The following SLC13A3 variants were observed in gnomAD, a reference collection of about 807,000 sequenced individuals.
SLC13A3 encodes solute carrier family 13 member 3, also known as Na(+)/dicarboxylate cotransporter 3.
A neutral mutation model predicts 59.0 loss-of-function variants in SLC13A3; 40 were observed. The observed-to-expected ratio is 0.68, with a 90% CI of 0.53 to 0.88. SLC13A3 has a LOEUF of 0.88. SLC13A3 is among the 40% of genes least tolerant of loss of function. The pLI, the probability that SLC13A3 is intolerant of heterozygous loss-of-function variation, is 0.00. For missense variants in SLC13A3, 699 were observed against 783.2 expected (o/e 0.89, Z 1.28); for synonymous variants, 317 against 330.3 (o/e 0.96, Z 0.44).
intron 1 of SLC13A3, among the ~76,000 whole-genome samples, chr20:46,658,889 C>A (rs1273886885): frequency 2.0e-5 from 3 of 152,050 alleles, no homozygotes; most frequent in Non-Finnish European, 4.4e-5. Context: ...GTGGATTCAC[C>A]TTTCTATCAT....
chr20:46,607,501 T>C (rs2122731242), intron 3 of SLC13A3, among the ~76,000 whole-genome samples: 1 of 152,326 alleles, frequency 6.6e-6, no homozygotes, highest in East Asian at 1.9e-4. Context: ...AACCAATTCC[T>C]GCTCCTCCCT....
intron 1 of SLC13A3, among the ~76,000 whole-genome samples, chr20:46,644,618 T>C (rs2062876174): frequency 6.6e-6 from 1 of 152,236 alleles, no homozygotes; most frequent in Admixed American, 6.5e-5. Flanking sequence ...ATTTTTCAGC[T>C]GGGGAACTGG....
At chr20:46,599,829 G>A in intron 4 of SLC13A3, 142 bp downstream of exon 4, 1 of 503,760 alleles carries the variant, frequency 2.0e-6, no homozygotes, top group Non-Finnish European at 3.5e-6. Flanking sequence ...AAGCCACAGA[G>A]ATGAATGGTG....
intron 1 of SLC13A3, among the ~76,000 whole-genome samples, chr20:46,632,871 A>G (rs1263647250): frequency 4.0e-4 from 2 of 5,018 alleles, no homozygotes. Flanking sequence ...TTCAATAGAT[A>G]GATAGATAGA....
At chr20:46,632,288 C>T (rs985945980) in intron 1 of SLC13A3, among the ~76,000 whole-genome samples, 2 of 152,162 alleles carry the variant, frequency 1.3e-5, no homozygotes, top group African/African-American at 2.4e-5. Context: ...ACTGAGCCTG[C>T]GAAGTGCCAG....
chr20:46,608,330 T>G (rs3091733), intron 3 of SLC13A3, among the ~76,000 whole-genome samples: 98,123 of 152,134 alleles, frequency 0.64, 31,984 homozygotes, highest in East Asian at 0.8. Context: ...TTGCCACGCC[T>G]GCTTGTTTGT....
chr20:46,683,284 A>G (rs1052075191), intron 1 of SLC13A3, among the ~76,000 whole-genome samples: 8 of 152,240 alleles, frequency 5.3e-5, no homozygotes, highest in African/African-American at 1.4e-4. Flanking sequence ...CCAGCTGCAA[A>G]CATAGATAAG....
chr20:46,621,204 A>G (rs2062610658), intron 1 of SLC13A3, among the ~76,000 whole-genome samples: 1 of 152,218 alleles, frequency 6.6e-6, no homozygotes, highest in African/African-American at 2.4e-5. Flanking sequence ...TTCCCCAGAG[A>G]GTCCTTCACC....
chr20:46,615,777 C>T lies in SLC13A3; in HGVS notation c.112-2052G>A, dbSNP rs1325463182. On this transcript the variant is annotated intron_variant, in intron 1 of 12. Coordinates refer to ENST00000279027, the MANE Select transcript of SLC13A3 (RefSeq NM_022829.6). ...GGAAAATGTCCAGATTCCCAAGTCC[C>T]TTAGCTTTTCTATCAGTGCTCACAT... Among the ~76,000 whole-genome samples the T allele has an allele frequency of 2.6e-5, 4 of 152,186 alleles. 1 individual carries two copies. Among genetic ancestry groups the T allele is most frequent in the Admixed American group, 2.6e-4 (4 of 15,278 alleles).
chr20:46,600,550 G>A lies in SLC13A3; in HGVS notation c.542-513C>T, dbSNP rs374578948. ...GCCTGTTGGCAGGGGTTTAGCTGCA[G>A]GGCTGCTTGACAACCCATAACTCAA... is the stretch of plus-strand genomic sequence containing the variant. On this transcript the variant is annotated intron_variant, in intron 3 of 12. Coordinates refer to ENST00000279027, the MANE Select transcript of SLC13A3 (RefSeq NM_022829.6). The A allele has an allele frequency of 7.7e-4, 328 of 427,114 alleles. 4 individuals are homozygous for A. Among genetic ancestry groups the A allele is most frequent in the South Asian group, 5.7e-3 (324 of 56,914 alleles). The allele number at this position is 427,114 out of a possible 1,614,324, so 26.5% of individuals were successfully genotyped here.
chr20:46,566,164 G>A (rs377048596), intron 11 of SLC13A3, 65 bp downstream of exon 11: 44 of 1,400,652 alleles, frequency 3.1e-5, no homozygotes, highest in African/African-American at 2.0e-4. Context: ...GTCCCTTGGC[G>A]GGGGAAGATT....
intron 1 of SLC13A3, among the ~76,000 whole-genome samples, chr20:46,643,798 T>A (rs2062868367): frequency 6.6e-6 from 1 of 152,110 alleles, no homozygotes; most frequent in Admixed American, 6.6e-5. Flanking sequence ...AATCCCAGAA[T>A]TTTAGGAGGC....
intron 3 of SLC13A3, among the ~76,000 whole-genome samples, chr20:46,606,276 A>C (rs2062436644): frequency 1.3e-5 from 2 of 152,214 alleles, no homozygotes; most frequent in Admixed American, 6.5e-5. Flanking sequence ...GAAGTCTCAT[A>C]GGTAGTTTTT....
At chr20:46,613,417 TCTG>T (rs2062521544) in intron 2 of SLC13A3, 40 bp downstream of exon 2, 1 of 1,515,362 alleles carries the variant, frequency 6.6e-7, no homozygotes, top group Admixed American at 2.0e-5. Context: ...GTGTGGTCCC[TCTG>T]CCTCTCCGCT....
In SLC13A3 at chr20:46,560,074, T is replaced by C. The variant is rs201877988; in HGVS notation, c.1757A>G (p.Asn586Ser). ...FPDWADMYSV[N>S]VTALPPTLAN... ...CAAGGTGGGTGGCAATGCTGTGACA[T>C]TGACCGAGTACATATCAGCCCAGTC... Residue 586 changes from asparagine (N) to serine (S), a missense_variant, in exon 13 of 13, where the codon AAT becomes AGT. Physicochemically the swap from Asn to Ser is conservative, Grantham distance 46. Coordinates refer to ENST00000279027, the MANE Select transcript of SLC13A3 (RefSeq NM_022829.6). The C allele has an allele frequency of 2.1e-5, 34 of 1,614,086 alleles. No individual in the cohort carries two copies. The East Asian group carries it at 4.9e-4, about 23-fold the overall frequency.
At chr20:46,606,356 C>T (rs1020626430) in intron 3 of SLC13A3, among the ~76,000 whole-genome samples, 1 of 152,174 alleles carries the variant, frequency 6.6e-6, no homozygotes, top group African/African-American at 2.4e-5. Flanking sequence ...AGGCAGTGTC[C>T]TTGTTTTATA....
chr20:46,571,061 G>A (rs772589196), intron 10 of SLC13A3, among the ~76,000 whole-genome samples: 2 of 152,162 alleles, frequency 1.3e-5, no homozygotes, highest in Non-Finnish European at 2.9e-5. Flanking sequence ...TCACATGGTG[G>A]CAGCAAGAAG....
At chr20:46,628,588 AGGAT>A (rs1487635705) in intron 1 of SLC13A3, among the ~76,000 whole-genome samples, 1 of 152,196 alleles carries the variant, frequency 6.6e-6, no homozygotes. Context: ...TGAGGTTGGG[AGGAT>A]GGCTGAAATG....
chr20:46,593,397 A>T (rs1413226631), intron 5 of SLC13A3, among the ~76,000 whole-genome samples: 1 of 152,254 alleles, frequency 6.6e-6, no homozygotes, highest in Non-Finnish European at 1.5e-5. Context: ...AGAATGATGT[A>T]TACAAAAGTA....
Sources: allele counts gnomAD v4.1 joint callset (sites outside exome capture counted in the v4.1 genomes callset), GRCh38; gene constraint gnomAD v4.1.1; transcripts MANE v1.5; gene names NCBI Gene and HGNC (gene_info 2026-07-23, HGNC 2026-07-21).